ASAP1: variants seen among roughly 807,000 people sequenced by gnomAD.
ASAP1 encodes the protein ArfGAP with SH3 domain, ankyrin repeat and PH domain 1, also known as arf-GAP with SH3 domain, ANK repeat and PH domain-containing protein 1.
Under a neutral mutation model 145.2 loss-of-function variants are expected in ASAP1, and 43 were observed. The observed-to-expected ratio is 0.30, with a 90% confidence interval of 0.23 to 0.38. ASAP1 has a LOEUF of 0.38. Ranked by LOEUF, ASAP1 falls within the 10% of genes least tolerant of loss-of-function variation. The probability of loss-of-function intolerance (pLI) is 1.00; values close to 1 mark genes in which losing one functional copy is unlikely to be tolerated. For missense variants in ASAP1, 1,018 were observed against 1,355.3 expected (o/e 0.75, Z 3.91); for synonymous variants, 546 against 515.5 (o/e 1.06, Z -0.80).
intron 9 of ASAP1, among the ~76,000 whole-genome samples, chr8:130,172,190 C>T (rs961763922): frequency 6.6e-6 from 1 of 152,180 alleles, no homozygotes; most frequent in Non-Finnish European, 1.5e-5. Flanking sequence ...TTCTCTTCCC[C>T]GGAGCTGCAT....
Position 130,392,679 on chromosome 8 carries a change from G to C in ASAP1, c.59+9206C>G, listed in dbSNP as rs1165306223. On this transcript the variant is annotated intron_variant, in intron 2 of 29. Coordinates refer to ENST00000518721, the MANE Select transcript of ASAP1 (RefSeq NM_018482.4). ...AAGAAAAGAGGTTTATTTGGCTCTT[G>C]GTTCTGCAGGTTGCACAAGAAGCCA... Among the ~76,000 whole-genome samples, 4 of 152,168 alleles carry C rather than the reference G, an allele frequency of 2.6e-5. No homozygotes were observed. In the East Asian group the frequency reaches 7.7e-4, roughly 29 times the overall value.
intron 3 of ASAP1, among the ~76,000 whole-genome samples, chr8:130,309,791 A>T (rs1193274550): frequency 1.4e-4 from 21 of 152,322 alleles, no homozygotes; most frequent in Non-Finnish European, 2.8e-4. Flanking sequence ...CTAAAACTGG[A>T]CTTTTAATCA....
At chr8:130,174,091 C>CAAAA (rs57123447) in intron 9 of ASAP1, among the ~76,000 whole-genome samples, 18 of 62,746 alleles carry the variant, frequency 2.9e-4, no homozygotes, top group African/African-American at 8.9e-4. Context: ...ACTCCGTCTC[C>CAAAA]AAAAAAAAAA....
chr8:130,072,584 C>T (rs892353130), intron 27 of ASAP1, among the ~76,000 whole-genome samples: 5 of 56,410 alleles, frequency 8.9e-5, no homozygotes, highest in Non-Finnish European at 1.8e-4. Context: ...TGAAAACGGA[C>T]TAATACAGCA....
At chr8:130,120,223 C>T (rs1452870128) in intron 18 of ASAP1, among the ~76,000 whole-genome samples, 4 of 152,198 alleles carry the variant, frequency 2.6e-5, no homozygotes, top group African/African-American at 9.7e-5. Flanking sequence ...AGAGGACTTC[C>T]AGTAACCAAA....
chr8:130,412,638 C>G (rs946895249), intron 1 of ASAP1, among the ~76,000 whole-genome samples: 6 of 151,750 alleles, frequency 4.0e-5, no homozygotes, highest in Non-Finnish European at 8.8e-5. Context: ...GAATAAATAA[C>G]AATTTCTTTT....
intron 27 of ASAP1, among the ~76,000 whole-genome samples, chr8:130,072,825 G>GTGTGTGCGCGCGCGCATGCGCGCGCA: frequency 1.8e-5 from 1 of 54,112 alleles, no homozygotes; most frequent in African/African-American, 9.1e-5. Flanking sequence ...GTGTGTGTGT[G>GTGTGTGCGCGCGCGCATGCGCGCGCA]CGCGCGGGGG....
chr8:130,089,802 T>G (rs532166202), intron 25 of ASAP1, among the ~76,000 whole-genome samples: 51 of 152,338 alleles, frequency 3.3e-4, no homozygotes, highest in African/African-American at 1.2e-3. Flanking sequence ...CATACATGCA[T>G]GTACACCAAC....
chr8:130,215,720 A>G (rs1435849354), intron 4 of ASAP1, among the ~76,000 whole-genome samples: 7 of 152,004 alleles, frequency 4.6e-5, no homozygotes, highest in African/African-American at 7.2e-5. Context: ...CTCCAGCCTG[A>G]GCAACAGAGT....
Position 130,373,301 on chromosome 8 carries a change from C to G in ASAP1, c.60-15158G>C, listed in dbSNP as rs988600333. ...GCACCCTCTGAGCTTTCACTTGCTCCCATTTTCTCTTACCATACTCAAAAT... is the reference window on the plus strand; with the variant it reads ...GCACCCTCTGAGCTTTCACTTGCTCGCATTTTCTCTTACCATACTCAAAAT... On this transcript the variant is annotated intron_variant, in intron 2 of 29. Transcript: ENST00000518721. Among the ~76,000 whole-genome samples the G allele has an allele frequency of 1.1e-4, 17 of 152,042 alleles. 1 individual carries two copies. The highest frequency in any genetic ancestry group is 5.9e-5 in the Non-Finnish European group (4 of 68,008).
At chr8:130,282,116 T>G (rs1303608623) in intron 3 of ASAP1, among the ~76,000 whole-genome samples, 1 of 151,834 alleles carries the variant, frequency 6.6e-6, no homozygotes, top group Non-Finnish European at 1.5e-5. Context: ...CAATTACTCT[T>G]GCACCAACCA....
At chr8:130,214,844 G>GTCCCAAATAT in intron 4 of ASAP1, 143 bp from the exon 5 acceptor site, 1 of 652,156 alleles carries the variant, frequency 1.5e-6, no homozygotes, top group Non-Finnish European at 2.5e-6. Flanking sequence ...CAAAGGTTAG[G>GTCCCAAATAT]TTAGGAGTAC....
intron 25 of ASAP1, among the ~76,000 whole-genome samples, chr8:130,089,516 G>C (rs747339753): frequency 6.6e-6 from 1 of 152,230 alleles, no homozygotes. Context: ...TGCGTCCACA[G>C]ACGAAAGCTG....
chr8:130,358,192 G>GC lies in ASAP1; in HGVS notation c.60-50dup. 6.5e-7 allele frequency: 1 copy of GC among 1,535,908 alleles called. No homozygotes were observed. Among genetic ancestry groups the GC allele is most frequent in the Non-Finnish European group, 8.8e-7 (1 of 1,140,094 alleles). ...GCGGGGGCGGGGGGTGAGTCACGGC[G>GC]CAGGCTCCCGGGGCCGCGGGCCGCC... On this transcript the variant is annotated intron_variant, in intron 2 of 29. Transcript: ENST00000518721. The surrounding 1 kb of genome is among the most constrained non-coding windows in gnomAD (Gnocchi z 4.1).
intron 2 of ASAP1, among the ~76,000 whole-genome samples, chr8:130,366,836 T>G (rs1243193314): frequency 6.6e-6 from 1 of 151,808 alleles, no homozygotes. Flanking sequence ...CAATAAACAT[T>G]AGCTACTAAT....
intron 25 of ASAP1, among the ~76,000 whole-genome samples, chr8:130,081,824 A>G (rs760395235): frequency 6.6e-6 from 1 of 152,250 alleles, no homozygotes; most frequent in Non-Finnish European, 1.5e-5. Context: ...ACGCCCTGAT[A>G]GTAACATTAT....
At chr8:130,415,174 T>A (rs1005156297) in intron 1 of ASAP1, among the ~76,000 whole-genome samples, 6 of 152,260 alleles carry the variant, frequency 3.9e-5, no homozygotes, top group Non-Finnish European at 7.3e-5. Context: ...GGAAGACTTC[T>A]ATATGCATTG....
intron 3 of ASAP1, among the ~76,000 whole-genome samples, chr8:130,338,597 AT>A (rs1418490376): frequency 2.0e-5 from 3 of 152,092 alleles, no homozygotes; most frequent in East Asian, 1.9e-4. Flanking sequence ...TCTGTGTGGA[AT>A]TTTTTCCATT....
intron 3 of ASAP1, among the ~76,000 whole-genome samples, chr8:130,247,812 G>A (rs1818941604): frequency 6.6e-6 from 1 of 152,142 alleles, no homozygotes; most frequent in Non-Finnish European, 1.5e-5. Context: ...CTTAGCTTCA[G>A]GCACACCCTG....
Sources: gnomAD v4.1 joint callset for allele counts (sites outside exome capture counted in the v4.1 genomes callset) on GRCh38, gnomAD v4.1.1 for gene constraint, Gnocchi (gnomAD v3.1) non-coding constraint, MANE v1.5 for transcripts, NCBI Gene and HGNC (gene_info 2026-07-23, HGNC 2026-07-21) for gene names.